The following PCDHGA11 variants were observed in gnomAD, a reference collection of about 807,000 sequenced individuals.
PCDHGA11 encodes protocadherin gamma subfamily A, 11, also known as protocadherin gamma-A11.
Under a neutral mutation model 60.4 loss-of-function variants are expected in PCDHGA11, and 39 were observed. The ratio of observed to expected loss-of-function variants is 0.65; its 90% CI spans 0.50 to 0.84. The LOEUF (loss-of-function observed/expected upper bound fraction) is 0.84, where lower values mean the gene tolerates loss of function less well. Ranked by LOEUF, PCDHGA11 falls within the 40% of genes least tolerant of loss-of-function variation. PCDHGA11 has a pLI of 0.00. For missense variants in PCDHGA11, 1,165 were observed against 1,197.7 expected, an observed-to-expected ratio of 0.97 and a Z score of 0.40; for synonymous variants, 533 against 510.3, an observed-to-expected ratio of 1.04 and a Z score of -0.60.
chr5:141,487,351 T>A lies in PCDHGA11; in HGVS notation c.2434-7456T>A. 6.2e-7 allele frequency: 1 copy of A among 1,614,210 alleles called. No individual in the cohort carries two copies. The highest frequency in any genetic ancestry group is 8.5e-7 in the Non-Finnish European group (1 of 1,180,038). On this transcript the variant is annotated intron_variant, in intron 1 of 3. Transcript: ENST00000398587. The surrounding 1 kb of genome is among the most constrained non-coding windows in gnomAD (Gnocchi z 5.0). ...GGGCAGCCTGTGGAGTCACATGCTT[T>A]CCTGCTGGCACCTGTGCCTGTCTCA...
At position 141,477,811 on chromosome 5, in the gene PCDHGA11, C is replaced by A. The variant is rs1211574518; in HGVS notation, c.2434-16996C>A. 1 of 1,614,046 alleles carries A rather than the reference C, an allele frequency of 6.2e-7. No individual in the cohort carries two copies. Among genetic ancestry groups the A allele is most frequent in the Non-Finnish European group, 8.5e-7 (1 of 1,180,034 alleles). On this transcript the variant is annotated intron_variant, in intron 1 of 3. Transcript: ENST00000398587. This position sits in a 1 kb window ranked among gnomAD's most constrained non-coding sequence, Gnocchi z 4.9. ...TCACTGATCGCAATGACAATGCCCC[C>A]CAGGTCCTATATCCTCGGCCAGGTG...
chr5:141,423,693 G>T lies in PCDHGA11; in HGVS notation c.2433+33G>T, dbSNP rs114008539. On this transcript the variant is annotated intron_variant, in intron 1 of 3. Transcript: ENST00000398587. ...TTATTTCTCTGCCTCCTAATTGTTG[G>T]TGTCTTGGCACAAGTCTTTTAAGGA... 910 of 1,396,244 alleles carry T rather than the reference G, an allele frequency of 6.5e-4. 7 individuals carry two copies. The African/African-American group carries it at 0.012, about 18-fold the overall frequency. 86.5% of individuals were successfully genotyped at this position (1,396,244 alleles called of 1,614,324 possible).
chr5:141,430,686 C>G, intron 1 of PCDHGA11: 1 of 1,397,218 alleles, frequency 7.2e-7, no homozygotes, highest in Non-Finnish European at 9.5e-7. Context: ...CTGTCCCATT[C>G]TATGGGCGAA....
rs115565444 is a variant in PCDHGA11 at position 141,487,520 on chromosome 5, G to C, written c.2434-7287G>C. 1 of 1,614,166 alleles carries C rather than the reference G, an allele frequency of 6.2e-7. No individual in the cohort carries two copies. Among genetic ancestry groups the C allele is most frequent in the Non-Finnish European group, 8.5e-7 (1 of 1,180,042 alleles). ...CTTGGCTTCTGCACCCACTCGGAGT[G>C]ATAGCTTCATGATGGTGAAGTCACC... On this transcript the variant is annotated intron_variant, in intron 1 of 3. Coordinates refer to ENST00000398587, the MANE Select transcript of PCDHGA11 (RefSeq NM_018914.3). The surrounding 1 kb of genome is among the most constrained non-coding windows in gnomAD (Gnocchi z 5.0).
intron 3 of PCDHGA11, among the ~76,000 whole-genome samples, chr5:141,508,506 C>G (rs2099869342): frequency 6.6e-6 from 1 of 152,180 alleles, no homozygotes; most frequent in Admixed American, 6.5e-5. Context: ...TCTCTCCCTC[C>G]TGGTCCAGCC....
chr5:141,476,036 A>G lies in PCDHGA11; in HGVS notation c.2434-18771A>G. The G allele has an allele frequency of 1.4e-6, 2 of 1,471,164 alleles. No individual in the cohort carries two copies. Among genetic ancestry groups the G allele is most frequent in the Non-Finnish European group, 1.8e-6 (2 of 1,106,602 alleles). 91.1% of individuals were successfully genotyped at this position (1,471,164 alleles called of 1,614,324 possible). ...ATGTCGGACTCGGCGCCCAGCGCCCAAGCGCTAACCCGCTGAAAGTTTCTC... is the reference window on the plus strand; with the variant it reads ...ATGTCGGACTCGGCGCCCAGCGCCCGAGCGCTAACCCGCTGAAAGTTTCTC... On this transcript the variant is annotated intron_variant, in intron 1 of 3. Transcript: ENST00000398587. The surrounding 1 kb of genome is among the most constrained non-coding windows in gnomAD (Gnocchi z 7.6).
At chr5:141,454,953 G>A (rs1304192945) in intron 1 of PCDHGA11, among the ~76,000 whole-genome samples, 4 of 150,686 alleles carry the variant, frequency 2.7e-5, no homozygotes, top group Admixed American at 6.6e-5. Context: ...GACTACAGGC[G>A]CCGGCCACCA....
chr5:141,499,047 GA>G (rs2099789201), intron 2 of PCDHGA11, among the ~76,000 whole-genome samples: 1 of 151,580 alleles, frequency 6.6e-6, no homozygotes, highest in South Asian at 2.1e-4. Flanking sequence ...GAAAAAGGGA[GA>G]AAAAATGAAG....
chr5:141,423,675 T>C lies in PCDHGA11; in HGVS notation c.2433+15T>C. The C allele has an allele frequency of 1.3e-6, 2 of 1,540,488 alleles. No individual in the cohort carries two copies. Among genetic ancestry groups the C allele is most frequent in the Non-Finnish European group, 1.7e-6 (2 of 1,147,086 alleles). Reference sequence around the variant, plus strand: ...CAAGTAATCAGGTGAGATTTATTTCTCTGCCTCCTAATTGTTGGTGTCTTG... The same window carrying C: ...CAAGTAATCAGGTGAGATTTATTTCCCTGCCTCCTAATTGTTGGTGTCTTG... On this transcript the variant is annotated intron_variant, in intron 1 of 3. Transcript: ENST00000398587.
In PCDHGA11 at chr5:141,431,149, G is replaced by A. The variant is rs150692324; in HGVS notation, c.2433+7489G>A. Reference sequence around the variant, plus strand: ...AAGTAAGGGACATTAACGACAATGCGCCTTACTTTCGTGAAAGTGAATTAG... The same window carrying A: ...AAGTAAGGGACATTAACGACAATGCACCTTACTTTCGTGAAAGTGAATTAG... On this transcript the variant is annotated intron_variant, in intron 1 of 3. Coordinates refer to ENST00000398587, the MANE Select transcript of PCDHGA11 (RefSeq NM_018914.3). This position sits in a 1 kb window ranked among gnomAD's most constrained non-coding sequence, Gnocchi z 4.8. The A allele has an allele frequency of 3.7e-4, 605 of 1,614,210 alleles. No individual in the cohort carries two copies. Among genetic ancestry groups the A allele is most frequent in the Non-Finnish European group, 4.7e-4 (552 of 1,180,020 alleles).
intron 1 of PCDHGA11, chr5:141,430,944 G>T: frequency 1.2e-6 from 2 of 1,609,214 alleles, no homozygotes; most frequent in Non-Finnish European, 1.7e-6. Flanking sequence ...CTCGCGGAGC[G>T]CGGAGTCCGC....
chr5:141,442,047 G>A (rs186626119), intron 1 of PCDHGA11: 64 of 202,912 alleles, frequency 3.2e-4, no homozygotes, highest in Admixed American at 9.3e-4. Context: ...GCGCCTACTG[G>A]TCGCGGTGCA....
chr5:141,465,629 C>A (rs1048373153), intron 1 of PCDHGA11, among the ~76,000 whole-genome samples: 1 of 152,204 alleles, frequency 6.6e-6, no homozygotes, highest in Non-Finnish European at 1.5e-5. Flanking sequence ...AGTCAACCAG[C>A]AAAATGCTTT....
chr5:141,450,908 G>A (rs1248622378), intron 1 of PCDHGA11, among the ~76,000 whole-genome samples: 12 of 147,640 alleles, frequency 8.1e-5, no homozygotes, highest in East Asian at 6.0e-4. Flanking sequence ...CACTGCAACC[G>A]CTGCCTCCCA....
Position 141,422,091 on chromosome 5 carries a change from G to C in PCDHGA11, c.864G>C (p.Lys288Asn). ...VMYSFRNMES[K>N]ASEIFQLDSQ... ...ATTCATTTCGGAACATGGAAAGCAA[G>C]GCTTCTGAAATATTCCAATTGGATT... The change falls in exon 1 of 4, where the codon AAG becomes AAC. Residue 288 changes from lysine to asparagine, a missense_variant. Transcript: ENST00000398587. 6.2e-7 allele frequency: 1 copy of C among 1,611,830 alleles called. No individual in the cohort carries two copies.
chr5:141,494,586 G>A (rs770159202), intron 1 of PCDHGA11, among the ~76,000 whole-genome samples: 1 of 152,112 alleles, frequency 6.6e-6, no homozygotes, highest in Non-Finnish European at 1.5e-5. Context: ...GCTCACTGTG[G>A]TCAGATGAAA....
At position 141,487,855 on chromosome 5, in the gene PCDHGA11, A is replaced by G. The variant is rs1033833406; in HGVS notation, c.2434-6952A>G. The G allele has an allele frequency of 2.1e-6, 2 of 974,092 alleles. No homozygotes were observed. Among genetic ancestry groups the G allele is most frequent in the Non-Finnish European group, 3.0e-6 (2 of 668,870 alleles). The allele number at this position is 974,092 out of a possible 1,614,324, so 60.3% of individuals were successfully genotyped here. Reference sequence around the variant, plus strand: ...TATATCTGAGTAAGAAATGAAAGTAATTGGTGATCAAGAGCCAGGCTGTTG... The same window carrying G: ...TATATCTGAGTAAGAAATGAAAGTAGTTGGTGATCAAGAGCCAGGCTGTTG... On this transcript the variant is annotated intron_variant, in intron 1 of 3. Transcript: ENST00000398587. The surrounding 1 kb of genome is among the most constrained non-coding windows in gnomAD (Gnocchi z 5.0).
chr5:141,501,715 C>G lies in PCDHGA11; in HGVS notation c.2493-3678C>G, dbSNP rs139761188. On this transcript the variant is annotated intron_variant, in intron 2 of 3. Coordinates refer to ENST00000398587, the MANE Select transcript of PCDHGA11 (RefSeq NM_018914.3). ...AGGGTGATTCCGAGGATAAAAAAGA[C>G]AAATATATTACCCAGTCAGCTTAGA... 1.3e-3 allele frequency among the ~76,000 whole-genome samples: 192 copies of G among 152,192 alleles called. 1 individual carries two copies. The highest frequency in any genetic ancestry group is 4.5e-3 in the African/African-American group (185 of 41,512).
rs776189143 is a variant in PCDHGA11, at chr5:141,422,957, A to G, written c.1730A>G (p.Glu577Gly). 11 of 1,614,190 alleles carry G rather than the reference A, an allele frequency of 6.8e-6. 1 individual carries two copies. The South Asian group carries it at 7.7e-5, about 11-fold the overall frequency. Reference sequence around the variant, plus strand: ...CCCACAGACGGCTCCACTGGCGTGGAGCTGGCGCCCCGCTCTGCGGAACCT... The same window carrying G: ...CCCACAGACGGCTCCACTGGCGTGGGGCTGGCGCCCCGCTCTGCGGAACCT... ...ALPTDGSTGV[E>G]LAPRSAEPGY... The change falls in exon 1 of 4, where the codon GAG (glutamate) becomes GGG (glycine). Residue 577 changes from glutamate (E) to glycine (G), a missense_variant. Coordinates refer to ENST00000398587, the MANE Select transcript of PCDHGA11 (RefSeq NM_018914.3).
Sources: allele counts gnomAD v4.1 joint callset (sites outside exome capture counted in the v4.1 genomes callset), GRCh38; gene constraint gnomAD v4.1.1; non-coding constraint Gnocchi (gnomAD v3.1); transcripts MANE v1.5; gene names NCBI Gene and HGNC (gene_info 2026-07-23, HGNC 2026-07-21).